Variants in JARID2 observed in about 807,000 individuals in gnomAD.
The protein encoded by JARID2 is jumonji and AT-rich interaction domain containing 2, also known as protein Jumonji.
A neutral mutation model predicts 125.6 loss-of-function variants in JARID2; 21 were observed. That is an observed-to-expected ratio of 0.17 (90% CI 0.12 to 0.24). The LOEUF is 0.24. Ranked by LOEUF, JARID2 falls within the 10% of genes least tolerant of loss-of-function variation. The pLI is 1.00. For synonymous variants in JARID2, 736 were observed against 661.6 expected (o/e 1.11, Z -1.73); for missense variants, 1,303 against 1,639.6 (o/e 0.79, Z 3.55).
chr6:15,374,544 C>G (rs576845769), intron 2 of JARID2, among the ~76,000 whole-genome samples: 1 of 152,340 alleles, frequency 6.6e-6, no homozygotes, highest in Admixed American at 6.5e-5. Flanking sequence ...GTGAGCAGAA[C>G]TCTTTGATGA....
intron 1 of JARID2, among the ~76,000 whole-genome samples, chr6:15,253,618 G>T (rs1046406575): frequency 6.7e-6 from 1 of 148,752 alleles, no homozygotes; most frequent in African/African-American, 2.5e-5. Flanking sequence ...TGGGTTTCTG[G>T]TTTTTTTTTT....
At position 15,297,154 on chromosome 6, in the gene JARID2, A is replaced by C. The variant is rs551348086; in HGVS notation, c.45+50570A>C. 2.0e-5 allele frequency among the ~76,000 whole-genome samples: 3 copies of C among 151,872 alleles called. No homozygotes were observed. The South Asian group carries it at 6.2e-4, about 31-fold the overall frequency. On this transcript the variant is annotated intron_variant, in intron 1 of 17. Coordinates refer to ENST00000341776, the MANE Select transcript of JARID2 (RefSeq NM_004973.4). ...CTTATCTGGTTATTATTATTTTTTAAATTATAATTTTTTTGAGAAGGAGTC... is the reference window on the plus strand; with the variant it reads ...CTTATCTGGTTATTATTATTTTTTACATTATAATTTTTTTGAGAAGGAGTC...
intron 5 of JARID2, among the ~76,000 whole-genome samples, chr6:15,482,951 T>C (rs186040991): frequency 2.6e-5 from 4 of 152,348 alleles, no homozygotes; most frequent in Admixed American, 1.3e-4. Context: ...GGGTACATCA[T>C]CAAAGAATTT....
chr6:15,315,709 T>C (rs1310896935), intron 1 of JARID2, among the ~76,000 whole-genome samples: 3 of 152,210 alleles, frequency 2.0e-5, no homozygotes, highest in Non-Finnish European at 4.4e-5. Flanking sequence ...ATGAGTGGTG[T>C]TTCGCCCAAT....
At chr6:15,251,595 G>T in intron 1 of JARID2, among the ~76,000 whole-genome samples, 1 of 152,204 alleles carries the variant, frequency 6.6e-6, no homozygotes, top group Non-Finnish European at 1.5e-5. Context: ...TCACCCAGAA[G>T]TCTTGCCAAG....
At position 15,507,132 on chromosome 6, in the gene JARID2, G is replaced by A; in HGVS notation, c.2542-4G>A. 6.3e-7 allele frequency: 1 copy of A among 1,589,752 alleles called. No individual in the cohort carries two copies. The highest frequency in any genetic ancestry group is 8.6e-7 in the Non-Finnish European group (1 of 1,157,798). ...GCTGACCAGCCCTTTCCTGTTCCCT[G>A]CAGCAAGAGTACTGGAGGCTAGTGG... On this transcript the variant is annotated splice_region_variant and splice_polypyrimidine_tract_variant and intron_variant, in intron 9 of 17. Transcript: ENST00000341776.
At chr6:15,286,824 T>G (rs1286922472) in intron 1 of JARID2, among the ~76,000 whole-genome samples, 1 of 147,108 alleles carries the variant, frequency 6.8e-6, no homozygotes, top group African/African-American at 2.5e-5. Context: ...ACCATGCCAC[T>G]GCACTCCAGC....
rs570494575 is a variant in JARID2 at position 15,399,635 on chromosome 6, G to T, written c.182-10589G>T. ...TGTGGAGAGAATACCCGCTAGCCTGGGTGACTTCACTCCTGAGCAAAGTTG... is the reference window on the plus strand; with the variant it reads ...TGTGGAGAGAATACCCGCTAGCCTGTGTGACTTCACTCCTGAGCAAAGTTG... On this transcript the variant is annotated intron_variant, in intron 2 of 17. Coordinates refer to ENST00000341776, the MANE Select transcript of JARID2 (RefSeq NM_004973.4). Among the ~76,000 whole-genome samples the T allele has an allele frequency of 1.9e-4, 29 of 152,242 alleles. No homozygotes were observed. The South Asian group carries it at 5.8e-3, about 30-fold the overall frequency.
intron 2 of JARID2, among the ~76,000 whole-genome samples, chr6:15,408,488 C>G (rs1346720950): frequency 6.6e-6 from 1 of 152,132 alleles, no homozygotes; most frequent in Non-Finnish European, 1.5e-5. Flanking sequence ...GAAGAGGGAT[C>G]CCCCACTCGC....
At chr6:15,395,381 C>T (rs889684098) in intron 2 of JARID2, among the ~76,000 whole-genome samples, 4 of 151,986 alleles carry the variant, frequency 2.6e-5, no homozygotes, top group East Asian at 1.9e-4. Context: ...CCGCAACCTC[C>T]GGGAGTCCTG....
chr6:15,291,265 G>T lies in JARID2; in HGVS notation c.45+44681G>T, dbSNP rs537817892. ...AATAAAAATTCACATGAGAAGAAGTGTATAGTTAATGAAAACCATCTTGGT... is the reference window on the plus strand; with the variant it reads ...AATAAAAATTCACATGAGAAGAAGTTTATAGTTAATGAAAACCATCTTGGT... On this transcript the variant is annotated intron_variant, in intron 1 of 17. Transcript: ENST00000341776. Among the ~76,000 whole-genome samples, 4 of 152,118 alleles carry T rather than the reference G, an allele frequency of 2.6e-5. No homozygotes were observed. The South Asian group carries it at 8.3e-4, about 32-fold the overall frequency.
chr6:15,275,629 T>C (rs1026338458), intron 1 of JARID2, among the ~76,000 whole-genome samples: 4 of 147,150 alleles, frequency 2.7e-5, no homozygotes, highest in Non-Finnish European at 5.9e-5. Flanking sequence ...ATAATGTAAG[T>C]TCAAGGACTT....
intron 5 of JARID2, among the ~76,000 whole-genome samples, chr6:15,479,075 T>C (rs1337506839): frequency 2.0e-5 from 3 of 152,226 alleles, no homozygotes; most frequent in Non-Finnish European, 4.4e-5. Flanking sequence ...TGCTCTTGCC[T>C]TGATTCTTGC....
chr6:15,463,518 C>T (rs1008148181), intron 4 of JARID2, among the ~76,000 whole-genome samples: 1 of 150,720 alleles, frequency 6.6e-6, no homozygotes, highest in African/African-American at 2.4e-5. Context: ...GCAACCTCTG[C>T]CTGCTGGGTT....
intron 1 of JARID2, among the ~76,000 whole-genome samples, chr6:15,370,154 T>C (rs1401948644): frequency 2.0e-5 from 3 of 152,176 alleles, no homozygotes; most frequent in Admixed American, 2.0e-4. Context: ...TCTTGCTATA[T>C]CAGGCATGTT....
At chr6:15,449,494 A>C (rs1269242751) in intron 3 of JARID2, among the ~76,000 whole-genome samples, 3 of 151,508 alleles carry the variant, frequency 2.0e-5, no homozygotes, top group Non-Finnish European at 4.4e-5. Context: ...AAAAAAAAAA[A>C]CCCAGCAACA....
At chr6:15,395,827 G>A (rs1035013414) in intron 2 of JARID2, among the ~76,000 whole-genome samples, 1 of 151,770 alleles carries the variant, frequency 6.6e-6, no homozygotes, top group Non-Finnish European at 1.5e-5. Flanking sequence ...ACCATGCCTG[G>A]CTAATTTGTT....
chr6:15,396,457 CAAATA>C (rs2127548814), intron 2 of JARID2, among the ~76,000 whole-genome samples: 1 of 152,234 alleles, frequency 6.6e-6, no homozygotes, highest in South Asian at 2.1e-4. Flanking sequence ...AGGTGTTTAT[CAAATA>C]AGTCAGTATT....
chr6:15,466,746 G>A (rs933520166), intron 4 of JARID2, among the ~76,000 whole-genome samples: 2 of 152,124 alleles, frequency 1.3e-5, no homozygotes, highest in Non-Finnish European at 1.5e-5. Flanking sequence ...TGTACCAATT[G>A]TAAAACCATT....
Sources: allele counts gnomAD v4.1 joint callset (sites outside exome capture counted in the v4.1 genomes callset), GRCh38; gene constraint gnomAD v4.1.1; transcripts MANE v1.5; gene names NCBI Gene and HGNC (gene_info 2026-07-23, HGNC 2026-07-21).